Variants in BTAF1 observed in about 807,000 individuals in gnomAD.
BTAF1 encodes the protein B-TFIID TATA-box binding protein associated factor 1, also known as TATA-binding protein-associated factor 172.
Under a neutral mutation model 227.1 loss-of-function variants are expected in BTAF1, and 38 were observed. The ratio of observed to expected loss-of-function variants is 0.17; its 90% CI spans 0.13 to 0.22. BTAF1 has a LOEUF of 0.22. Among genes scored for constraint, BTAF1 ranks in the 10% least tolerant of loss-of-function variants. BTAF1 has a pLI of 1.00. For synonymous variants in BTAF1, 742 were observed against 751.9 expected (o/e 0.99, Z 0.21); for missense variants, 1,598 against 2,204.0 (o/e 0.73, Z 5.51).
chr10:91,945,730 A>C (rs762995195), intron 4 of BTAF1, among the ~76,000 whole-genome samples: 3 of 152,240 alleles, frequency 2.0e-5, no homozygotes, highest in Non-Finnish European at 4.4e-5. Context: ...GTTGTGAATA[A>C]TGCTACTGTG....
At chr10:92,026,076 TGTA>T in intron 35 of BTAF1, among the ~76,000 whole-genome samples, 1 of 152,300 alleles carries the variant, frequency 6.6e-6, no homozygotes, top group Admixed American at 6.5e-5. Context: ...TTGCTTGACT[TGTA>T]GTAAGGATAA....
rs1160086722 is a variant in BTAF1 at position 91,959,394 on chromosome 10, T to C, written c.990+240T>C. On this transcript the variant is annotated intron_variant, in intron 9 of 37. Transcript: ENST00000265990. ...CTGGAGACACTGGTAATAGTATAAATAATAGATATATGACCGGTGTGCTTG... is the reference window on the plus strand; with the variant it reads ...CTGGAGACACTGGTAATAGTATAAACAATAGATATATGACCGGTGTGCTTG... 7.2e-6 allele frequency: 5 copies of C among 696,566 alleles called. 1 individual carries two copies. The highest frequency in any genetic ancestry group is 1.0e-5 in the Non-Finnish European group (5 of 484,440). The allele number at this position is 696,566 out of a possible 1,614,324, so 43.1% of individuals were successfully genotyped here. A position where few individuals can be genotyped will look rare whatever the true frequency, so the allele number is the denominator to read the frequency against.
chr10:91,994,053 C>T (rs954314317), intron 22 of BTAF1, among the ~76,000 whole-genome samples: 1 of 152,154 alleles, frequency 6.6e-6, no homozygotes, highest in Admixed American at 6.5e-5. Flanking sequence ...GTGGCTCATG[C>T]CTGTAATCCC....
At chr10:92,001,949 A>G (rs1849561158) in intron 25 of BTAF1, among the ~76,000 whole-genome samples, 1 of 11,310 alleles carries the variant, frequency 8.8e-5, no homozygotes, top group Non-Finnish European at 1.4e-4. Context: ...CCTGTCTCAA[A>G]AAAAAAAAAA....
chr10:91,930,096 G>A (rs1844172549), intron 1 of BTAF1, among the ~76,000 whole-genome samples: 1 of 151,972 alleles, frequency 6.6e-6, no homozygotes, highest in Non-Finnish European at 1.5e-5. Flanking sequence ...CATAAAAATA[G>A]ACTGTTCTAA....
chr10:91,929,660 T>A (rs1844138222), intron 1 of BTAF1, among the ~76,000 whole-genome samples: 1 of 152,196 alleles, frequency 6.6e-6, no homozygotes, highest in East Asian at 1.9e-4. Flanking sequence ...AAAACTACCT[T>A]AATTACCAAT....
chr10:92,021,639 T>G (rs1002092410), intron 34 of BTAF1, among the ~76,000 whole-genome samples: 1 of 152,008 alleles, frequency 6.6e-6, no homozygotes, highest in African/African-American at 2.4e-5. Context: ...CCTCCTGGGT[T>G]CACGCCATTC....
rs768422488 is a variant in BTAF1, at chr10:91,960,087, C to G, written c.1196C>G (p.Thr399Arg). The change falls in exon 11 of 38, where the codon ACA (threonine) becomes AGA (arginine). Residue 399 changes from threonine (T) to arginine (R), a missense_variant. Coordinates refer to ENST00000265990, the MANE Select transcript of BTAF1 (RefSeq NM_003972.3). Reference protein sequence around the residue: ...KTVDVLLKLLTQEQWEVRHGG... With the variant: ...KTVDVLLKLLRQEQWEVRHGG... ...GTGGATGTGCTGCTAAAATTACTTA[C>G]ACAAGAACAATGGGAAGTTAGACAT... 2 of 1,613,784 alleles carry G rather than the reference C, an allele frequency of 1.2e-6. No individual in the cohort carries two copies. The highest frequency in any genetic ancestry group is 1.7e-6 in the Non-Finnish European group (2 of 1,179,840).
At chr10:91,996,265 A>G (rs374184299) in intron 23 of BTAF1, 104 bp from the exon 24 acceptor site, 2 of 879,714 alleles carry the variant, frequency 2.3e-6, no homozygotes, top group Admixed American at 2.6e-5. Flanking sequence ...ATATTTTTAG[A>G]GTCACTTAGA....
chr10:92,024,923 A>C lies in BTAF1; in HGVS notation c.5031A>C (p.Leu1677Phe). ...PHLPSVTYLR[L>F]DGSIPPGQRH... is the part of the protein sequence containing the mutation. ...TGCCCTCTGTCACTTATTTGAGATTAGATGGCAGCATACCTCCTGGTCAGA... is the reference window on the plus strand; with the variant it reads ...TGCCCTCTGTCACTTATTTGAGATTCGATGGCAGCATACCTCCTGGTCAGA... The change falls in exon 35 of 38, where the codon TTA (leucine) becomes TTC (phenylalanine). Residue 1677 changes from leucine to phenylalanine, a missense_variant. This residue lies in a region of BTAF1 where 205 missense variants were observed against 244.5 expected (regional missense o/e 0.84). Coordinates refer to ENST00000265990, the MANE Select transcript of BTAF1 (RefSeq NM_003972.3). The C allele has an allele frequency of 6.2e-7, 1 of 1,614,068 alleles. No homozygotes were observed. The highest frequency in any genetic ancestry group is 8.5e-7 in the Non-Finnish European group (1 of 1,180,008).
intron 11 of BTAF1, among the ~76,000 whole-genome samples, chr10:91,961,655 G>A (rs970214555): frequency 6.6e-6 from 1 of 152,014 alleles, no homozygotes; most frequent in African/African-American, 2.4e-5. Flanking sequence ...TCTAGCCTCT[G>A]TAGATAACAG....
intron 25 of BTAF1, among the ~76,000 whole-genome samples, chr10:92,003,276 A>G (rs989520254): frequency 2.0e-5 from 3 of 152,210 alleles, no homozygotes; most frequent in Non-Finnish European, 4.4e-5. Context: ...TTAAGTTTTA[A>G]TCTTTTAGCA....
intron 11 of BTAF1, 46 bp downstream of exon 11, chr10:91,960,200 C>G (rs1846402600): frequency 1.3e-6 from 2 of 1,557,274 alleles, no homozygotes; most frequent in Non-Finnish European, 1.7e-6. Context: ...GTTTTTTCCC[C>G]CTTATAGTTT....
intron 34 of BTAF1, among the ~76,000 whole-genome samples, chr10:92,020,353 C>G (rs1016655880): frequency 3.9e-5 from 6 of 152,230 alleles, no homozygotes; most frequent in African/African-American, 1.4e-4. Context: ...TCTAGGATTT[C>G]AAAAGATTAA....
intron 32 of BTAF1, among the ~76,000 whole-genome samples, chr10:92,015,596 T>A (rs1476299053): frequency 6.6e-6 from 1 of 151,816 alleles, no homozygotes; most frequent in Non-Finnish European, 1.5e-5. Flanking sequence ...TTAAAGTAGG[T>A]ACAATAAGGA....
chr10:91,989,368 T>C lies in BTAF1; in HGVS notation c.2642T>C (p.Leu881Ser), dbSNP rs1007652983. The change falls in exon 20 of 38, where the codon TTA becomes TCA. Residue 881 changes from leucine (L) to serine (S), a missense_variant. Leu to Ser is a moderately radical substitution (Grantham distance 145). Around this residue, in one of 10 missense-constraint regions of BTAF1, gnomAD observed 425 missense variants for 491.2 expected, o/e 0.87. Coordinates refer to ENST00000265990, the MANE Select transcript of BTAF1 (RefSeq NM_003972.3). ...AAATTAAATCCTATCATAAAACCAT[T>C]AATGGAGACAATTAAAAAAGAAGAG... ...PEKLNPIIKP[L>S]METIKKEENT... The C allele has an allele frequency of 3.7e-6, 6 of 1,614,182 alleles. No individual in the cohort carries two copies. The highest frequency in any genetic ancestry group is 5.1e-6 in the Non-Finnish European group (6 of 1,180,028).
At chr10:91,999,114 A>G (rs1048820065) in intron 25 of BTAF1, among the ~76,000 whole-genome samples, 1 of 151,148 alleles carries the variant, frequency 6.6e-6, no homozygotes, top group African/African-American at 2.4e-5. Flanking sequence ...CTCTGCATTT[A>G]TAAGTCTTTG....
chr10:91,931,807 C>T (rs892201089), intron 1 of BTAF1, among the ~76,000 whole-genome samples: 1 of 152,160 alleles, frequency 6.6e-6, no homozygotes, highest in African/African-American at 2.4e-5. Flanking sequence ...CTTTGTTCTT[C>T]CTTTTATGTG....
chr10:91,990,192 A>G (rs1270981634), intron 20 of BTAF1, among the ~76,000 whole-genome samples: 1 of 72,844 alleles, frequency 1.4e-5, no homozygotes, highest in Non-Finnish European at 3.5e-5. Context: ...GTGATTGTTA[A>G]CAAGATTTTG....
Sources: gnomAD v4.1 joint callset for allele counts (sites outside exome capture counted in the v4.1 genomes callset) on GRCh38, gnomAD v4.1.1 for gene constraint, gnomAD v4.1.1 regional missense constraint, MANE v1.5 for transcripts, NCBI Gene and HGNC (gene_info 2026-07-23, HGNC 2026-07-21) for gene names.